HECW2: variants seen among roughly 807,000 people sequenced by gnomAD.
The protein encoded by HECW2 is E3 ubiquitin-protein ligase HECW2.
Under a neutral mutation model 175.2 loss-of-function variants are expected in HECW2, and 61 were observed. The ratio of observed to expected loss-of-function variants is 0.35; its 90% CI spans 0.28 to 0.43. The LOEUF (loss-of-function observed/expected upper bound fraction) is 0.43, where lower values mean the gene tolerates loss of function less well. Among genes scored for constraint, HECW2 ranks in the 20% least tolerant of loss-of-function variants. The pLI is 1.00. For synonymous variants in HECW2, 671 were observed against 731.0 expected (o/e 0.92, Z 1.32); for missense variants, 1,524 against 2,000.5 (o/e 0.76, Z 4.54).
At chr2:196,336,539 G>C (rs946910521) in intron 3 of HECW2, among the ~76,000 whole-genome samples, 1 of 152,098 alleles carries the variant, frequency 6.6e-6, no homozygotes, top group African/African-American at 2.4e-5. Flanking sequence ...ACAGAGAGAA[G>C]TGCATTTTTA....
At position 196,331,348 on chromosome 2, in the gene HECW2, C is replaced by T. The variant is rs1018961272; in HGVS notation, c.496-1698G>A. Reference sequence around the variant, plus strand: ...CTGGCCAGAGAACTAACTGCTGTGGCTATCTCATCCTGCTTTCACCACACA... The same window carrying T: ...CTGGCCAGAGAACTAACTGCTGTGGTTATCTCATCCTGCTTTCACCACACA... On this transcript the variant is annotated intron_variant, in intron 4 of 28. Transcript: ENST00000644978. 4 of 900,476 alleles carry T rather than the reference C, an allele frequency of 4.4e-6. No individual in the cohort carries two copies. The African/African-American group carries it at 7.2e-5, about 16-fold the overall frequency. The allele number at this position is 900,476 out of a possible 1,614,324, so 55.8% of individuals were successfully genotyped here.
chr2:196,225,069 G>T (rs1197580357), intron 23 of HECW2, among the ~76,000 whole-genome samples: 1 of 152,148 alleles, frequency 6.6e-6, no homozygotes, highest in Non-Finnish European at 1.5e-5. Flanking sequence ...CATTCTCATC[G>T]CAAATTTGAG....
rs773862938 is a variant in HECW2, at chr2:196,318,579, T to G, written c.2311A>C (p.Thr771Pro). 3.9e-6 allele frequency: 6 copies of G among 1,529,364 alleles called. No individual in the cohort carries two copies. The highest frequency in any genetic ancestry group is 5.3e-6 in the Non-Finnish European group (6 of 1,139,000). 94.7% of individuals were successfully genotyped at this position (1,529,364 alleles called of 1,614,324 possible). A position where few individuals can be genotyped will look rare whatever the true frequency, so the allele number is the denominator to read the frequency against. ...CCAGTAGCGCCCTCCTCCTGGGCAG[T>G]TGCCCCTTCACAGGTGCCTTGGGCC... ...GEAQGTCEGA[T>P]AQEEGATGGS... Residue 771 changes from threonine (T) to proline (P), a missense_variant, in exon 9 of 29, where the codon ACT becomes CCT. Thr to Pro is a conservative substitution (Grantham distance 38, BLOSUM62 -1). Around this residue, in one of 11 missense-constraint regions of HECW2, gnomAD observed 604 missense variants for 588.3 expected, o/e 1.03. Coordinates refer to ENST00000644978, the MANE Select transcript of HECW2 (RefSeq NM_001348768.2).
chr2:196,231,180 T>C (rs996152225), intron 21 of HECW2, among the ~76,000 whole-genome samples: 1 of 150,650 alleles, frequency 6.6e-6, no homozygotes, highest in Non-Finnish European at 1.5e-5. Flanking sequence ...TAGTCCCCTG[T>C]GTCTTTTAGA....
chr2:196,340,856 T>C (rs941275927), intron 3 of HECW2, among the ~76,000 whole-genome samples: 1 of 152,066 alleles, frequency 6.6e-6, no homozygotes, highest in African/African-American at 2.4e-5. Context: ...ATTTCCAGTT[T>C]TACAATTATG....
chr2:196,487,023 T>A (rs1687030661), intron 1 of HECW2, among the ~76,000 whole-genome samples: 1 of 151,026 alleles, frequency 6.6e-6, no homozygotes, highest in Admixed American at 6.6e-5. Flanking sequence ...GTGGCACACA[T>A]CTGTAGTCCC....
At chr2:196,346,900 C>T (rs528256073) in intron 2 of HECW2, among the ~76,000 whole-genome samples, 1 of 146,238 alleles carries the variant, frequency 6.8e-6, no homozygotes, top group East Asian at 2.1e-4. Context: ...CCCAGCTACT[C>T]GGGAGGCTGA....
intron 19 of HECW2, among the ~76,000 whole-genome samples, chr2:196,249,734 T>C (rs895989302): frequency 1.8e-4 from 28 of 152,192 alleles, no homozygotes; most frequent in East Asian, 3.9e-4. Context: ...CCTGGTATCA[T>C]GTGGAATTTG....
At chr2:196,305,437 C>T in intron 13 of HECW2, among the ~76,000 whole-genome samples, 1 of 152,144 alleles carries the variant, frequency 6.6e-6, no homozygotes, top group East Asian at 1.9e-4. Context: ...AAAATATTAA[C>T]ATAAGTAAAT....
chr2:196,515,262 C>T (rs1435416848), intron 1 of HECW2, among the ~76,000 whole-genome samples: 1 of 152,258 alleles, frequency 6.6e-6, no homozygotes, highest in African/African-American at 2.4e-5. Context: ...CTTGCCCACA[C>T]ACTTCTCGCT....
chr2:196,280,052 A>C (rs1575348465), intron 14 of HECW2, among the ~76,000 whole-genome samples: 1 of 152,344 alleles, frequency 6.6e-6, no homozygotes, highest in East Asian at 1.9e-4. Context: ...CAATGTTGTA[A>C]GTTTTCAAAG....
At chr2:196,356,896 T>TG (rs1423906025) in intron 2 of HECW2, among the ~76,000 whole-genome samples, 1 of 152,214 alleles carries the variant, frequency 6.6e-6, no homozygotes, top group African/African-American at 2.4e-5. Flanking sequence ...CAGAATCCAC[T>TG]GGGGGTCTTG....
intron 2 of HECW2, among the ~76,000 whole-genome samples, chr2:196,392,181 A>G (rs569309420): frequency 6.6e-6 from 1 of 152,314 alleles, no homozygotes; most frequent in East Asian, 1.9e-4. Flanking sequence ...TGTAAAATAA[A>G]TTATATTAAG....
chr2:196,360,185 C>T (rs1272009705), intron 2 of HECW2, among the ~76,000 whole-genome samples: 1 of 152,158 alleles, frequency 6.6e-6, no homozygotes, highest in East Asian at 1.9e-4. Context: ...CCCAGCAATC[C>T]CACTTCTGGG....
At chr2:196,302,205 C>T (rs760254637) in intron 13 of HECW2, among the ~76,000 whole-genome samples, 1 of 152,140 alleles carries the variant, frequency 6.6e-6, no homozygotes, top group Non-Finnish European at 1.5e-5. Context: ...TGTAGGTGTG[C>T]AGTCTTATTT....
chr2:196,217,799 A>C (rs1316088554), intron 26 of HECW2: 1 of 152,256 alleles, frequency 6.6e-6, no homozygotes, highest in Admixed American at 6.5e-5. Context: ...AAAACCTTTC[A>C]GTGAAAACAA....
At chr2:196,227,461 G>T (rs377311226) in intron 22 of HECW2, among the ~76,000 whole-genome samples, 2 of 152,196 alleles carry the variant, frequency 1.3e-5, no homozygotes, top group East Asian at 1.9e-4. Flanking sequence ...TTTTGTGTGA[G>T]AAATTAGGAA....
intron 1 of HECW2, among the ~76,000 whole-genome samples, chr2:196,568,332 A>G (rs1442151821): frequency 6.6e-6 from 1 of 152,216 alleles, no homozygotes; most frequent in African/African-American, 2.4e-5. Flanking sequence ...AAACTCAAAC[A>G]GTACTTAGTT....
intron 1 of HECW2, among the ~76,000 whole-genome samples, chr2:196,506,208 A>G (rs150631483): frequency 4.9e-4 from 74 of 152,280 alleles, no homozygotes; most frequent in African/African-American, 1.6e-3. Flanking sequence ...TATGGGAGAA[A>G]CTGGGTTCAG....
Sources: gnomAD v4.1 joint callset for allele counts (sites outside exome capture counted in the v4.1 genomes callset) on GRCh38, gnomAD v4.1.1 for gene constraint, gnomAD v4.1.1 regional missense constraint, MANE v1.5 for transcripts, NCBI Gene and HGNC (gene_info 2026-07-23, HGNC 2026-07-21) for gene names.